CIB2: variants seen among roughly 807,000 people sequenced by gnomAD.
CIB2 encodes the protein calcium and integrin binding family member 2.
Under a neutral mutation model 23.1 loss-of-function variants are expected in CIB2, and 19 were observed. The ratio of observed to expected loss-of-function variants is 0.82; its 90% CI spans 0.57 to 1.21. The LOEUF is 1.21. Ranked by LOEUF, CIB2 falls within the 50% of genes most tolerant of loss-of-function variation. CIB2 has a pLI of 0.00. For synonymous variants in CIB2, 94 were observed against 91.7 expected, an observed-to-expected ratio of 1.03 and a Z score of -0.14; for missense variants, 220 against 241.5, an observed-to-expected ratio of 0.91 and a Z score of 0.59.
At chr15:78,111,351 T>A in intron 2 of CIB2, 75 bp from the exon 3 acceptor site, 2 of 1,198,392 alleles carry the variant, frequency 1.7e-6, no homozygotes, top group Non-Finnish European at 2.4e-6. Context: ...CTGTCCTGCC[T>A]AGGCCTCTGC....
rs376577933 is a variant in CIB2 at position 78,105,834 on chromosome 15, G to A, written c.447C>T (p.Cys149=). 64 of 1,614,024 alleles carry A rather than the reference G, an allele frequency of 4.0e-5. No homozygotes were observed. Among genetic ancestry groups the A allele is most frequent in the South Asian group, 1.6e-4 (15 of 91,086 alleles). The part of the protein sequence containing the change: ...ELDEEEVVLV[C]DKVIEEADLD... ...AGTCAGCCTCCTCAATGACCTTGTC[G>A]CACACAAGCACCACCTCCTCCTCAT... is the stretch of plus-strand genomic sequence containing the variant. Residue 149 remains cysteine, a synonymous_variant, in exon 5 of 6, where the codon TGC becomes TGT. Transcript: ENST00000258930.
chr15:78,114,206 T>C (rs1201964875), intron 2 of CIB2, among the ~76,000 whole-genome samples: 1 of 152,170 alleles, frequency 6.6e-6, no homozygotes, highest in Non-Finnish European at 1.5e-5. Context: ...GGAGAGAGGC[T>C]ATGGGTGCTT....
chr15:78,113,861 T>G (rs2074198582), intron 2 of CIB2, among the ~76,000 whole-genome samples: 1 of 152,210 alleles, frequency 6.6e-6, no homozygotes, highest in Admixed American at 6.5e-5. Flanking sequence ...CCATTGTGCT[T>G]CCAACTGCTA....
In CIB2 at chr15:78,120,160, T is replaced by C. The variant is rs1376775331; in HGVS notation, c.86+3545A>G. Among the ~76,000 whole-genome samples, 9 of 152,202 alleles carry C rather than the reference T, an allele frequency of 5.9e-5. 1 individual carries two copies. In the East Asian group the frequency reaches 1.7e-3, roughly 29 times the overall value. ...TTCATGTAATCCACCGGCCTCGGCCTCTCAAAGTGCTAGGATTACAGGTGT... is the reference window on the plus strand; with the variant it reads ...TTCATGTAATCCACCGGCCTCGGCCCCTCAAAGTGCTAGGATTACAGGTGT... On this transcript the variant is annotated intron_variant, in intron 2 of 5. Coordinates refer to ENST00000258930, the MANE Select transcript of CIB2 (RefSeq NM_006383.4).
In CIB2 at chr15:78,108,993, A is replaced by C. The variant is rs59999498; in HGVS notation, c.346+242T>G. On this transcript the variant is annotated intron_variant, in intron 4 of 5. Transcript: ENST00000258930. ...AGGTCATGCCTGGGACCCCTCTCAC[A>C]CTAACCACCCGACCTGGGATGGGTG... is the stretch of plus-strand genomic sequence containing the variant. Among the ~76,000 whole-genome samples, 32,000 of 152,098 alleles carry C rather than the reference A, an allele frequency of 0.21. 3,878 individuals carry two copies. Among genetic ancestry groups the C allele is most frequent in the Middle Eastern group, 0.28 (82 of 294 alleles).
intron 2 of CIB2, chr15:78,120,715 T>G (rs1045146430): frequency 1.0e-6 from 1 of 985,568 alleles, no homozygotes; most frequent in African/African-American, 1.7e-5. Flanking sequence ...TATCTGTGAC[T>G]CGGTATCACT....
At chr15:78,128,076 C>T (rs529346977) in intron 1 of CIB2, among the ~76,000 whole-genome samples, 1 of 152,354 alleles carries the variant, frequency 6.6e-6, no homozygotes, top group African/African-American at 2.4e-5. Flanking sequence ...AGAGGCCATA[C>T]AAGAAGGAAG....
At chr15:78,111,582 T>G (rs78937802) in intron 2 of CIB2, among the ~76,000 whole-genome samples, 5,334 of 152,220 alleles carry the variant, frequency 0.035, 138 homozygotes, top group East Asian at 0.15. Context: ...TTTTTCTCCT[T>G]TGGGCTCTCA....
intron 1 of CIB2, among the ~76,000 whole-genome samples, chr15:78,128,231 G>A (rs1186965914): frequency 1.3e-5 from 2 of 152,228 alleles, no homozygotes; most frequent in South Asian, 4.1e-4. Flanking sequence ...CCAAAGAGGT[G>A]AGGCCTGGCC....
intron 2 of CIB2, among the ~76,000 whole-genome samples, chr15:78,118,152 A>G (rs754163707): frequency 3.9e-5 from 6 of 152,236 alleles, no homozygotes; most frequent in Non-Finnish European, 5.9e-5. Flanking sequence ...GTACAGTATA[A>G]TCCCATTTTT....
At chr15:78,123,680 A>T (rs771136773) in intron 2 of CIB2, 25 bp downstream of exon 2, 3 of 1,613,830 alleles carry the variant, frequency 1.9e-6, no homozygotes, top group Non-Finnish European at 2.5e-6. Context: ...CAGTCCCAAC[A>T]GGGTGAACGA....
rs762001470 is a variant in CIB2, at chr15:78,109,272, G to T, written c.309C>A (p.Pro103=). ...AGGCATAGTTTGCCTTGAGCTCTCG[G>T]GGAGCCGACTCGCAGAGCACGGAAA... ...DMFSVLCESA[P]RELKANYAFK... is the part of the protein sequence containing the mutation. The change falls in exon 4 of 6, where the codon CCC becomes CCA. Residue 103 remains proline (P), a synonymous_variant. Transcript: ENST00000258930. 2 of 1,613,082 alleles carry T rather than the reference G, an allele frequency of 1.2e-6. No homozygotes were observed. Among genetic ancestry groups the T allele is most frequent in the Non-Finnish European group, 1.7e-6 (2 of 1,179,632 alleles).
At chr15:78,121,593 T>C (rs1208073046) in intron 2 of CIB2, among the ~76,000 whole-genome samples, 1 of 152,132 alleles carries the variant, frequency 6.6e-6, no homozygotes, top group East Asian at 1.9e-4. Flanking sequence ...TGATAGTGAG[T>C]TCTCACGAGA....
Position 78,105,222 on chromosome 15 carries a change from C to T in CIB2, c.*89G>A. The T allele has an allele frequency of 6.4e-7, 1 of 1,573,162 alleles. No homozygotes were observed. ...GTGGTGTAAACCCCAGAGGCTGCCA[C>T]TGCTTTCCTGGGGAGCTTGGAGGCC... On this transcript the variant is annotated 3_prime_UTR_variant, in exon 6 of 6. Transcript: ENST00000258930.
At chr15:78,105,635 C>T (rs1258563553) in intron 5 of CIB2, 104 bp downstream of exon 5, 12 of 1,587,750 alleles carry the variant, frequency 7.6e-6, no homozygotes, top group Middle Eastern at 1.7e-4. Flanking sequence ...GCTTCCTGGC[C>T]GCACACCACT....
rs60332437 is a variant in CIB2 at position 78,117,246 on chromosome 15, C to CAAAAAAAAA, written c.87-5979_87-5971dup. The stretch of plus-strand genomic sequence containing the variant: ...GTTAAGTGTTTCTTCAAGCTACTGG[C>CAAAAAAAAA]AAAAAAAAAAAAAAAAAAAAAAAAA... On this transcript the variant is annotated intron_variant, in intron 2 of 5. Transcript: ENST00000258930. Among the ~76,000 whole-genome samples the CAAAAAAAAA allele has an allele frequency of 6.7e-4, 37 of 55,494 alleles. 7 individuals are homozygous for CAAAAAAAAA. Among genetic ancestry groups the CAAAAAAAAA allele is most frequent in the East Asian group, 2.5e-3 (2 of 802 alleles). 36.4% of individuals were successfully genotyped at this position (55,494 alleles called of 152,430 possible). A position where few individuals can be genotyped will look rare whatever the true frequency, so the allele number is the denominator to read the frequency against.
At chr15:78,126,784 CT>C (rs1199174530) in intron 1 of CIB2, among the ~76,000 whole-genome samples, 3 of 152,206 alleles carry the variant, frequency 2.0e-5, no homozygotes. Flanking sequence ...TTTAACATCA[CT>C]GACAAAACTG....
chr15:78,121,738 C>A (rs2141909945), intron 2 of CIB2, among the ~76,000 whole-genome samples: 1 of 152,278 alleles, frequency 6.6e-6, no homozygotes, highest in Admixed American at 6.5e-5. Flanking sequence ...CCATGTGGAG[C>A]CATGAATCAA....
chr15:78,121,917 G>A (rs971770244), intron 2 of CIB2, among the ~76,000 whole-genome samples: 1 of 152,190 alleles, frequency 6.6e-6, no homozygotes, highest in Non-Finnish European at 1.5e-5. Flanking sequence ...TGCTGTCAAT[G>A]AGACCACGGG....
Sources: allele counts gnomAD v4.1 joint callset (sites outside exome capture counted in the v4.1 genomes callset), GRCh38; gene constraint gnomAD v4.1.1; transcripts MANE v1.5; gene names NCBI Gene and HGNC (gene_info 2026-07-23, HGNC 2026-07-21).